CDIN1: variants seen among roughly 807,000 people sequenced by gnomAD.
The protein encoded by CDIN1 is CDAN1 interacting nuclease 1.
Under a neutral mutation model 45.3 loss-of-function variants are expected in CDIN1, and 33 were observed. The observed-to-expected ratio is 0.73, with a 90% CI of 0.55 to 0.97. The LOEUF is 0.97. CDIN1 is among the 50% of genes least tolerant of loss of function. The pLI is 0.00. For synonymous variants in CDIN1, 118 were observed against 124.4 expected, an observed-to-expected ratio of 0.95 and a Z score of 0.34; for missense variants, 303 against 339.4, an observed-to-expected ratio of 0.89 and a Z score of 0.84.
chr15:36,657,915 C>T lies in CDIN1; in HGVS notation c.346+10C>T. On this transcript the variant is annotated intron_variant, in intron 5 of 10. Transcript: ENST00000566621. ...CACGAGGAAACTCCACGTGAGTTAC[C>T]CTTTTTTCCTAATGGTACTCTTTTA... 2 of 1,602,238 alleles carry T rather than the reference C, an allele frequency of 1.2e-6. No individual in the cohort carries two copies. The highest frequency in any genetic ancestry group is 1.7e-6 in the Non-Finnish European group (2 of 1,172,092).
chr15:36,713,500 T>A (rs1404972777), intron 10 of CDIN1, among the ~76,000 whole-genome samples: 1 of 152,186 alleles, frequency 6.6e-6, no homozygotes, highest in East Asian at 1.9e-4. Context: ...GAATATTGGG[T>A]TTGAATCCAG....
intron 10 of CDIN1, among the ~76,000 whole-genome samples, chr15:36,790,685 T>A (rs2054621558): frequency 6.6e-6 from 1 of 152,276 alleles, no homozygotes; most frequent in East Asian, 1.9e-4. Flanking sequence ...TATTAAAGGT[T>A]GAGATGACCA....
At chr15:36,604,850 T>G (rs542754146) in intron 1 of CDIN1, among the ~76,000 whole-genome samples, 18 of 152,302 alleles carry the variant, frequency 1.2e-4, no homozygotes, top group East Asian at 3.9e-4. Flanking sequence ...GGCTTTACGG[T>G]AGTTCTTTTT....
intron 7 of CDIN1, among the ~76,000 whole-genome samples, chr15:36,692,549 G>A (rs2042293624): frequency 6.6e-6 from 1 of 152,108 alleles, no homozygotes; most frequent in African/African-American, 2.4e-5. Context: ...GCCAAATTTT[G>A]TTGAATTTAC....
chr15:36,634,417 C>T (rs775422734), intron 1 of CDIN1, among the ~76,000 whole-genome samples: 29 of 152,122 alleles, frequency 1.9e-4, no homozygotes, highest in Admixed American at 3.9e-4. Flanking sequence ...AGCAAGACTC[C>T]GTCTCAACAA....
chr15:36,634,713 A>G (rs967240519), intron 1 of CDIN1, among the ~76,000 whole-genome samples: 4 of 151,646 alleles, frequency 2.6e-5, no homozygotes, highest in Admixed American at 6.6e-5. Context: ...TTCGTTTCCT[A>G]TTTTCTTTTG....
chr15:36,790,017 T>C (rs556905614), intron 10 of CDIN1, among the ~76,000 whole-genome samples: 6 of 152,144 alleles, frequency 3.9e-5, no homozygotes, highest in African/African-American at 1.4e-4. Flanking sequence ...TTGATCTACG[T>C]TTGTTATATC....
At chr15:36,590,704 G>A (rs1011535634) in intron 1 of CDIN1, among the ~76,000 whole-genome samples, 1 of 152,260 alleles carries the variant, frequency 6.6e-6, no homozygotes, top group Non-Finnish European at 1.5e-5. Context: ...GAACAAAAAA[G>A]GATGAGATAT....
chr15:36,638,745 T>G (rs1774297848), intron 1 of CDIN1, among the ~76,000 whole-genome samples: 1 of 152,228 alleles, frequency 6.6e-6, no homozygotes, highest in African/African-American at 2.4e-5. Context: ...GCCATGGAAT[T>G]TGGTCAAAAC....
At chr15:36,799,244 G>GTT (rs1420292801) in intron 10 of CDIN1, 10 of 143,444 alleles carry the variant, frequency 7.0e-5, no homozygotes, top group African/African-American at 2.0e-4. Context: ...AAGTAAGTAA[G>GTT]TGTTTTCAAA....
chr15:36,637,402 C>T (rs2039945204), intron 1 of CDIN1, among the ~76,000 whole-genome samples: 1 of 152,128 alleles, frequency 6.6e-6, no homozygotes, highest in Non-Finnish European at 1.5e-5. Flanking sequence ...ACTTCATCAA[C>T]TGAAAAAACT....
chr15:36,654,234 T>G, intron 4 of CDIN1, 76 bp downstream of exon 4: 1 of 1,227,522 alleles, frequency 8.1e-7, no homozygotes, highest in South Asian at 1.3e-5. Flanking sequence ...TTGCTTACAA[T>G]TATAACTACC....
chr15:36,792,369 TC>T (rs1595604639), intron 10 of CDIN1, among the ~76,000 whole-genome samples: 2 of 152,078 alleles, frequency 1.3e-5, no homozygotes, highest in African/African-American at 4.8e-5. Flanking sequence ...AGCTAATGAC[TC>T]CTGTTAAGTT....
chr15:36,722,793 C>T (rs911020264), intron 10 of CDIN1, among the ~76,000 whole-genome samples: 6 of 152,120 alleles, frequency 3.9e-5, no homozygotes, highest in African/African-American at 1.4e-4. Context: ...TCGCATGTCT[C>T]GTACTCTTCT....
intron 5 of CDIN1, among the ~76,000 whole-genome samples, chr15:36,662,790 T>C (rs1345925445): frequency 6.6e-6 from 1 of 151,356 alleles, no homozygotes; most frequent in African/African-American, 2.4e-5. Flanking sequence ...ATCATGTGTG[T>C]ACGTAACACA....
chr15:36,780,809 T>C (rs1471933457), intron 10 of CDIN1, among the ~76,000 whole-genome samples: 1 of 152,168 alleles, frequency 6.6e-6, no homozygotes, highest in Non-Finnish European at 1.5e-5. Flanking sequence ...AGAGAACTAG[T>C]AAGTGGCCGA....
intron 5 of CDIN1, among the ~76,000 whole-genome samples, chr15:36,660,494 C>T (rs1337006762): frequency 6.6e-6 from 1 of 152,138 alleles, no homozygotes; most frequent in Admixed American, 6.6e-5. Context: ...TAGCTAATAG[C>T]ATGGGACATA....
At chr15:36,618,590 G>T in intron 1 of CDIN1, 1 of 851,092 alleles carries the variant, frequency 1.2e-6, no homozygotes, top group East Asian at 2.4e-5. Context: ...TTGGAGAATA[G>T]GATGTCTGAT....
chr15:36,694,109 A>G (rs1240435928), intron 7 of CDIN1, among the ~76,000 whole-genome samples: 2 of 152,228 alleles, frequency 1.3e-5, no homozygotes, highest in African/African-American at 4.8e-5. Context: ...CAAGCAAAGC[A>G]TAATTAAGAA....
Sources: allele counts gnomAD v4.1 joint callset (sites outside exome capture counted in the v4.1 genomes callset), GRCh38; gene constraint gnomAD v4.1.1; transcripts MANE v1.5; gene names NCBI Gene and HGNC (gene_info 2026-07-23, HGNC 2026-07-21).